The following RIT2 variants were observed in gnomAD, a reference collection of about 807,000 sequenced individuals.
RIT2 encodes the protein GTP-binding protein Rit2.
RIT2 carries 24 observed loss-of-function variants against 23.7 expected under a neutral mutation model. The ratio of observed to expected loss-of-function variants is 1.01; its 90% CI spans 0.73 to 1.43. The LOEUF is 1.43. RIT2 is among the 40% of genes most tolerant of loss of function. The pLI, the probability that RIT2 is intolerant of heterozygous loss-of-function variation, is 0.00. For missense variants in RIT2, 236 were observed against 266.9 expected (o/e 0.88, Z 0.81); for synonymous variants, 107 against 91.1 (o/e 1.17, Z -0.99).
intron 2 of RIT2, among the ~76,000 whole-genome samples, chr18:42,996,825 A>C (rs568796836): frequency 6.6e-6 from 1 of 152,270 alleles, no homozygotes; most frequent in African/African-American, 2.4e-5. Flanking sequence ...ATCATCCTAG[A>C]AAAATGACTG....
At chr18:42,860,028 C>T (rs1465293457) in intron 4 of RIT2, among the ~76,000 whole-genome samples, 1 of 152,150 alleles carries the variant, frequency 6.6e-6, no homozygotes, top group Non-Finnish European at 1.5e-5. Flanking sequence ...TGTGTTACCA[C>T]CTCAGACAGT....
At chr18:42,939,987 G>C (rs183682164) in intron 3 of RIT2, among the ~76,000 whole-genome samples, 1 of 151,764 alleles carries the variant, frequency 6.6e-6, no homozygotes, top group Admixed American at 6.6e-5. Context: ...CTGAATGAAG[G>C]CCTGATAGGG....
intron 4 of RIT2, among the ~76,000 whole-genome samples, chr18:42,833,256 C>T (rs973601882): frequency 2.0e-5 from 3 of 152,066 alleles, no homozygotes; most frequent in African/African-American, 7.2e-5. Flanking sequence ...TTGTCTATTT[C>T]TGACTTATTT....
intron 4 of RIT2, among the ~76,000 whole-genome samples, chr18:42,921,547 C>G (rs1749890506): frequency 6.6e-6 from 1 of 152,054 alleles, no homozygotes; most frequent in African/African-American, 2.4e-5. Context: ...TAAGTATCAC[C>G]TTTGAGCCTG....
chr18:43,012,910 T>C (rs933215680), intron 2 of RIT2, among the ~76,000 whole-genome samples: 5 of 151,786 alleles, frequency 3.3e-5, no homozygotes, highest in African/African-American at 1.2e-4. Flanking sequence ...ACACATTTAT[T>C]ACAATATTAT....
Position 43,065,607 on chromosome 18 carries a change from T to C in RIT2, c.104-31740A>G, listed in dbSNP as rs186768601. 1.4e-3 allele frequency among the ~76,000 whole-genome samples: 206 copies of C among 152,280 alleles called. 2 individuals carry two copies. The highest frequency in any genetic ancestry group is 4.9e-3 in the African/African-American group (203 of 41,572). On this transcript the variant is annotated intron_variant, in intron 1 of 4. Coordinates refer to ENST00000326695, the MANE Select transcript of RIT2 (RefSeq NM_002930.4). ...TAACAGTAATCAAAGTGTTTTATCT[T>C]CTTTATTCACTTGAATTAATACTAT... is the stretch of plus-strand genomic sequence containing the variant.
intron 1 of RIT2, among the ~76,000 whole-genome samples, chr18:43,101,452 G>T (rs1429377937): frequency 6.6e-6 from 1 of 151,996 alleles, no homozygotes; most frequent in Non-Finnish European, 1.5e-5. Context: ...AGACATAAAG[G>T]TATATAAATT....
intron 4 of RIT2, among the ~76,000 whole-genome samples, chr18:42,858,000 G>A (rs1168202166): frequency 1.3e-5 from 2 of 152,128 alleles, no homozygotes; most frequent in Non-Finnish European, 2.9e-5. Flanking sequence ...GGTCACCATG[G>A]CGAAACCCTG....
At chr18:43,101,445 C>T (rs142860501) in intron 1 of RIT2, among the ~76,000 whole-genome samples, 1,711 of 152,052 alleles carry the variant, frequency 0.011, 15 homozygotes, top group Non-Finnish European at 0.019. Flanking sequence ...AATACAAAGA[C>T]ATAAAGGTAT....
At chr18:42,881,179 C>T (rs1312051987) in intron 4 of RIT2, among the ~76,000 whole-genome samples, 2 of 152,144 alleles carry the variant, frequency 1.3e-5, no homozygotes, top group Non-Finnish European at 2.9e-5. Flanking sequence ...TTAATGGTAA[C>T]ACAACCTACC....
chr18:43,012,077 A>T (rs1236295940), intron 2 of RIT2, among the ~76,000 whole-genome samples: 2 of 151,800 alleles, frequency 1.3e-5, no homozygotes, highest in Admixed American at 1.3e-4. Context: ...CAGCATTAAG[A>T]AGAGTTCAGC....
intron 4 of RIT2, among the ~76,000 whole-genome samples, chr18:42,794,684 C>A (rs185216023): frequency 0.011 from 1,637 of 152,214 alleles, 22 homozygotes; most frequent in Non-Finnish European, 0.016. Context: ...TTTTTTAAAA[C>A]CCTCAGAGCT....
At chr18:43,099,958 T>G (rs1196056865) in intron 1 of RIT2, among the ~76,000 whole-genome samples, 2 of 152,170 alleles carry the variant, frequency 1.3e-5, no homozygotes, top group Non-Finnish European at 2.9e-5. Context: ...ACTTTAGAGA[T>G]AAATACATTG....
chr18:43,089,625 C>G (rs1220720301), intron 1 of RIT2, among the ~76,000 whole-genome samples: 2 of 151,826 alleles, frequency 1.3e-5, no homozygotes, highest in Non-Finnish European at 2.9e-5. Context: ...GTCATGCTAC[C>G]CAGTTTCAAA....
chr18:42,886,146 C>G (rs1423036332), intron 4 of RIT2, among the ~76,000 whole-genome samples: 1 of 152,164 alleles, frequency 6.6e-6, no homozygotes, highest in Non-Finnish European at 1.5e-5. Flanking sequence ...CAATGATAAG[C>G]TGCTGATTAA....
chr18:42,930,773 G>A (rs531959735), intron 3 of RIT2, among the ~76,000 whole-genome samples: 10 of 152,196 alleles, frequency 6.6e-5, no homozygotes, highest in Admixed American at 3.3e-4. Flanking sequence ...TCTAAATGGG[G>A]TAGTTGTGAC....
At chr18:42,929,034 G>GATATATATAGATATATATAT (rs1555647356) in intron 3 of RIT2, among the ~76,000 whole-genome samples, 2 of 96,944 alleles carry the variant, frequency 2.1e-5, no homozygotes, top group Non-Finnish European at 3.9e-5. Flanking sequence ...AAAATATGGA[G>GATATATATAGATATATATAT]ATATATATAT....
At chr18:43,048,868 T>A (rs1912313157) in intron 1 of RIT2, among the ~76,000 whole-genome samples, 1 of 152,172 alleles carries the variant, frequency 6.6e-6, no homozygotes, top group Non-Finnish European at 1.5e-5. Flanking sequence ...CCTTATATTA[T>A]CATGGGAATG....
intron 4 of RIT2, among the ~76,000 whole-genome samples, chr18:42,836,931 C>G (rs1906620623): frequency 6.6e-6 from 1 of 151,978 alleles, no homozygotes; most frequent in African/African-American, 2.4e-5. Flanking sequence ...GTTGTCGTTA[C>G]CAACATCAGA....
Sources: gnomAD v4.1 joint callset for allele counts (sites outside exome capture counted in the v4.1 genomes callset) on GRCh38, gnomAD v4.1.1 for gene constraint, MANE v1.5 for transcripts, NCBI Gene and HGNC (gene_info 2026-07-23, HGNC 2026-07-21) for gene names.